CCSER1: variants seen among roughly 807,000 people sequenced by gnomAD.
The protein encoded by CCSER1 is coiled-coil serine rich protein 1.
In CCSER1, 41 loss-of-function variants were observed where a neutral mutation model predicts 82.0. The ratio of observed to expected loss-of-function variants is 0.50; its 90% CI spans 0.39 to 0.65. The LOEUF is 0.65. Ranked by LOEUF, CCSER1 falls within the 30% of genes least tolerant of loss-of-function variation. CCSER1 has a pLI of 0.00. For synonymous variants in CCSER1, 414 were observed against 383.9 expected (o/e 1.08, Z -0.92); for missense variants, 1,119 against 1,064.2 (o/e 1.05, Z -0.72).
At chr4:90,629,426 G>A (rs544470452) in intron 6 of CCSER1, among the ~76,000 whole-genome samples, 14 of 152,298 alleles carry the variant, frequency 9.2e-5, no homozygotes, top group Admixed American at 2.6e-4. Context: ...GCAAAGTCAC[G>A]TCTTACACGG....
intron 10 of CCSER1, among the ~76,000 whole-genome samples, chr4:91,117,170 C>T (rs1055217477): frequency 6.6e-6 from 1 of 152,180 alleles, no homozygotes; most frequent in Admixed American, 6.5e-5. Context: ...GCATTCATTA[C>T]AGCAACATCC....
rs1398827542 is a variant in CCSER1 at position 90,311,810 on chromosome 4, G to A, written c.1325-1053G>A. On this transcript the variant is annotated intron_variant, in intron 2 of 10. Transcript: ENST00000509176. ...CTGGACAGTCTTTAAACTAGTAGATGAGCCTAATTAGAACAATTTTTTCAT... is the reference window on the plus strand; with the variant it reads ...CTGGACAGTCTTTAAACTAGTAGATAAGCCTAATTAGAACAATTTTTTCAT... 5.3e-5 allele frequency among the ~76,000 whole-genome samples: 8 copies of A among 152,238 alleles called. No homozygotes were observed. The South Asian group carries it at 6.2e-4, about 12-fold the overall frequency.
rs997114792 is a variant in CCSER1 at position 90,228,939 on chromosome 4, C to T, written c.-41-79305C>T. On this transcript the variant is annotated intron_variant, in intron 1 of 10. Coordinates refer to ENST00000509176, the MANE Select transcript of CCSER1 (RefSeq NM_001145065.2). ...TTAGAGAAAAAAGAATAAAAAGAAACGAGCAAAGCCTCCAAGAAATATGGG... is the reference window on the plus strand; with the variant it reads ...TTAGAGAAAAAAGAATAAAAAGAAATGAGCAAAGCCTCCAAGAAATATGGG... 1.2e-4 allele frequency among the ~76,000 whole-genome samples: 19 copies of T among 152,190 alleles called. No individual in the cohort carries two copies. In the East Asian group the frequency reaches 1.9e-3, roughly 15 times the overall value.
intron 9 of CCSER1, among the ~76,000 whole-genome samples, chr4:90,989,909 A>G (rs1331560854): frequency 1.3e-5 from 2 of 151,864 alleles, no homozygotes; most frequent in Middle Eastern, 3.4e-3. Flanking sequence ...AAATATATAG[A>G]GCATTAATAT....
At chr4:90,365,785 T>A (rs1746179282) in intron 3 of CCSER1, among the ~76,000 whole-genome samples, 2 of 151,936 alleles carry the variant, frequency 1.3e-5, no homozygotes, top group African/African-American at 4.8e-5. Flanking sequence ...TAAATACATA[T>A]TTAAATATTC....
At chr4:91,437,959 G>C (rs1374124114) in intron 10 of CCSER1, among the ~76,000 whole-genome samples, 1 of 152,212 alleles carries the variant, frequency 6.6e-6, no homozygotes, top group African/African-American at 2.4e-5. Context: ...GGCTTGCTTA[G>C]GTAAACAAAG....
At chr4:90,193,031 C>T (rs1735943318) in intron 1 of CCSER1, among the ~76,000 whole-genome samples, 1 of 152,030 alleles carries the variant, frequency 6.6e-6, no homozygotes, top group Non-Finnish European at 1.5e-5. Context: ...TGTGACACCC[C>T]ATTGAGAATC....
chr4:91,027,927 A>G (rs937824491), intron 9 of CCSER1, among the ~76,000 whole-genome samples: 4 of 152,072 alleles, frequency 2.6e-5, no homozygotes, highest in East Asian at 1.9e-4. Flanking sequence ...CTCTGTTGCA[A>G]TGTCATTCTG....
intron 5 of CCSER1, among the ~76,000 whole-genome samples, chr4:90,562,852 T>TA (rs200689531): frequency 0.28 from 38,246 of 137,100 alleles, 5,402 homozygotes; most frequent in East Asian, 0.48. Flanking sequence ...TTTTTTTTTT[T>TA]AAAAAAAAAA....
chr4:90,783,286 G>C (rs957558098), intron 7 of CCSER1, among the ~76,000 whole-genome samples: 3 of 152,082 alleles, frequency 2.0e-5, no homozygotes, highest in African/African-American at 7.2e-5. Context: ...GGGCTCATCA[G>C]ATAAATTAGG....
At chr4:90,464,758 G>A (rs935028276) in intron 4 of CCSER1, among the ~76,000 whole-genome samples, 4 of 152,108 alleles carry the variant, frequency 2.6e-5, no homozygotes, top group Admixed American at 6.5e-5. Context: ...ATTTGAATAT[G>A]GAATGGCTTG....
At chr4:91,127,599 G>C (rs370148347) in intron 10 of CCSER1, among the ~76,000 whole-genome samples, 4 of 151,810 alleles carry the variant, frequency 2.6e-5, no homozygotes, top group African/African-American at 9.7e-5. Flanking sequence ...TGTTGCTCCT[G>C]AAAAAATAAA....
intron 10 of CCSER1, among the ~76,000 whole-genome samples, chr4:91,366,200 TA>T (rs1262781803): frequency 3.3e-5 from 5 of 152,112 alleles, no homozygotes; most frequent in Non-Finnish European, 5.9e-5. Context: ...TTTGTATTTT[TA>T]GTAGAAATTG....
intron 9 of CCSER1, among the ~76,000 whole-genome samples, chr4:91,006,046 G>C (rs1738472651): frequency 6.6e-6 from 1 of 152,052 alleles, no homozygotes; most frequent in African/African-American, 2.4e-5. Context: ...TGATTGCGTT[G>C]ACTACTTGAG....
At chr4:91,198,528 T>G (rs900926859) in intron 10 of CCSER1, among the ~76,000 whole-genome samples, 1 of 152,038 alleles carries the variant, frequency 6.6e-6, no homozygotes, top group Non-Finnish European at 1.5e-5. Flanking sequence ...TCAATGAAAA[T>G]GAGGGAAGAG....
intron 9 of CCSER1, among the ~76,000 whole-genome samples, chr4:91,067,325 T>A (rs6532268): frequency 0.18 from 27,467 of 151,648 alleles, 2,595 homozygotes; most frequent in Admixed American, 0.26. Flanking sequence ...CAATAAGATG[T>A]TTGTCTCATC....
intron 1 of CCSER1, among the ~76,000 whole-genome samples, chr4:90,271,860 ATATTTTTTTTTTTTTTTTT>A (rs1189508319): frequency 4.0e-4 from 9 of 22,238 alleles, no homozygotes; most frequent in African/African-American, 3.8e-3. Context: ...ATATATATAT[ATATTTTTTTTTTTTTTTTT>A]TTTTTTTTTT....
intron 10 of CCSER1, among the ~76,000 whole-genome samples, chr4:91,365,618 TATTA>T (rs932002392): frequency 1.3e-5 from 2 of 152,214 alleles, no homozygotes; most frequent in African/African-American, 4.8e-5. Flanking sequence ...TATAAAGGAA[TATTA>T]ATTTGATAAA....
intron 1 of CCSER1, among the ~76,000 whole-genome samples, chr4:90,130,400 G>T (rs1465730458): frequency 6.6e-6 from 1 of 152,168 alleles, no homozygotes; most frequent in Non-Finnish European, 1.5e-5. Context: ...AATGCTTCGG[G>T]GGTGGGTAAG....
Sources: allele counts gnomAD v4.1 joint callset (sites outside exome capture counted in the v4.1 genomes callset), GRCh38; gene constraint gnomAD v4.1.1; transcripts MANE v1.5; gene names NCBI Gene and HGNC (gene_info 2026-07-23, HGNC 2026-07-21).